FAM180B: variants seen among roughly 807,000 people sequenced by gnomAD.
FAM180B encodes the protein family with sequence similarity 180 member B.
FAM180B carries 14 observed loss-of-function variants against 13.6 expected under a neutral mutation model. The observed-to-expected ratio is 1.03, with a 90% CI of 0.68 to 1.60. The LOEUF (loss-of-function observed/expected upper bound fraction) is 1.60, where lower values mean the gene tolerates loss of function less well. FAM180B is among the 40% of genes most tolerant of loss of function. FAM180B has a pLI of 0.00. For synonymous variants in FAM180B, 109 were observed against 97.0 expected (o/e 1.12, Z -0.72); for missense variants, 212 against 230.4 (o/e 0.92, Z 0.52).
chr11:47,587,727 C>T, intron 1 of FAM180B, 24 bp from the exon 2 acceptor site: 1 of 1,484,346 alleles, frequency 6.7e-7, no homozygotes, highest in East Asian at 2.5e-5. Context: ...ATGGCAGGGG[C>T]CTGACTCCTC....
chr11:47,587,273 C>T (rs1598809248), intron 1 of FAM180B, among the ~76,000 whole-genome samples: 1 of 152,312 alleles, frequency 6.6e-6, no homozygotes. Context: ...CTCTGTCCTC[C>T]CTGCCCTGTC....
Position 47,588,323 on chromosome 11 carries a change from C to G in FAM180B, c.441C>G (p.Val147=), listed in dbSNP as rs1229508110. ...EAEERGRWAQ[V]FALLAQETLW... ...AGGAACGGGGCCGCTGGGCCCAGGT[C>G]TTCGCTCTCCTGGCACAGGAAACAC... Residue 147 remains valine (V), a synonymous_variant, in exon 3 of 3, where the codon GTC becomes GTG. Transcript: ENST00000538490. 6.5e-7 allele frequency: 1 copy of G among 1,537,150 alleles called. No individual in the cohort carries two copies. Among genetic ancestry groups the G allele is most frequent in the East Asian group, 2.4e-5 (1 of 40,908 alleles).
chr11:47,586,675 C>T, upstream of FAM180B: 2 of 896,780 alleles, frequency 2.2e-6, no homozygotes, highest in Non-Finnish European at 3.6e-6. Context: ...TCTGGAGCAG[C>T]CCGCAGTGGA....
At chr11:47,587,441 G>A (rs990534804) in intron 1 of FAM180B, among the ~76,000 whole-genome samples, 2 of 152,174 alleles carry the variant, frequency 1.3e-5, no homozygotes, top group Admixed American at 1.3e-4. Context: ...CTTGTGACCC[G>A]TTGGCCTGGA....
chr11:47,587,917 G>T, intron 2 of FAM180B, 96 bp downstream of exon 2: 1 of 1,407,812 alleles, frequency 7.1e-7, no homozygotes, highest in Non-Finnish European at 9.5e-7. Context: ...GACCTGCTAG[G>T]GTTGGGTGGG....
rs966951635 is a variant in FAM180B, at chr11:47,586,810, C to T, written c.42C>T (p.Ala14=). 3 of 1,537,140 alleles carry T rather than the reference C, an allele frequency of 2.0e-6. No individual in the cohort carries two copies. The highest frequency in any genetic ancestry group is 2.7e-5 in the African/African-American group (2 of 73,044). The change falls in exon 1 of 3, where the codon GCC becomes GCT. Residue 14 remains alanine (A), a synonymous_variant. Transcript: ENST00000538490. ...AGTTCCTGGTTTGCCTGGTGGTAGC[C>T]ATTTGTCTCCTCTCTGGTGTGACTA... The part of the protein sequence containing the change: ...TLQFLVCLVV[A]ICLLSGVTTT...
Position 47,588,075 on chromosome 11 carries a change from C to A in FAM180B, c.193C>A (p.Gln65Lys). 2 of 1,536,234 alleles carry A rather than the reference C, an allele frequency of 1.3e-6. No individual in the cohort carries two copies. Among genetic ancestry groups the A allele is most frequent in the Non-Finnish European group, 1.7e-6 (2 of 1,146,556 alleles). The change falls in exon 3 of 3, where the codon CAG (glutamine) becomes AAG (lysine). Residue 65 changes from glutamine to lysine, a missense_variant. Transcript: ENST00000538490. Reference protein sequence around the residue: ...WAGLELDVMGQLHIQDEELAS... With the variant: ...WAGLELDVMGKLHIQDEELAS... The stretch of plus-strand genomic sequence containing the variant: ...TGGGCTGGAGCTGGATGTCATGGGG[C>A]AGCTGCACATCCAGGATGAGGAACT...
Position 47,588,136 on chromosome 11 carries a change from T to A in FAM180B, c.254T>A (p.Leu85His). 1 of 1,537,200 alleles carries A rather than the reference T, an allele frequency of 6.5e-7. No homozygotes were observed. The highest frequency in any genetic ancestry group is 8.7e-7 in the Non-Finnish European group (1 of 1,146,894). ...STHPGRRLRL[L>H]LQHHVPSDLE... ...CACCCAGGCCGCCGACTCAGACTCC[T>A]CCTGCAGCACCACGTGCCCAGTGAC... is the stretch of plus-strand genomic sequence containing the variant. The change falls in exon 3 of 3, where the codon CTC (leucine) becomes CAC (histidine). Residue 85 changes from leucine (L) to histidine (H), a missense_variant. Physicochemically the swap from Leu to His is moderately conservative, Grantham distance 99 (BLOSUM62 -3). Transcript: ENST00000538490.
chr11:47,587,668 C>G (rs1447835928), intron 1 of FAM180B, 83 bp from the exon 2 acceptor site: 2 of 938,492 alleles, frequency 2.1e-6, no homozygotes, highest in African/African-American at 3.3e-5. Context: ...GGACCTCTAC[C>G]AGGCAGCAGA....
rs3029432 is a variant in FAM180B at position 47,588,756 on chromosome 11, G to GT, written c.*322_*323insT. 1.2e-4 allele frequency: 29 copies of GT among 236,408 alleles called. No homozygotes were observed. The highest frequency in any genetic ancestry group is 2.0e-4 in the Non-Finnish European group (25 of 125,116). 14.6% of individuals were successfully genotyped at this position (236,408 alleles called of 1,614,324 possible). On this transcript the variant is annotated 3_prime_UTR_variant, in exon 3 of 3. Coordinates refer to ENST00000538490, the MANE Select transcript of FAM180B (RefSeq NM_001164379.3). ...TGTGTGTGTGTGTGTGTGTGTGTGT[G>GT]GAGATCAGGGGTCAGGGTTGAGAAG...
At position 47,588,952 on chromosome 11, in the gene FAM180B, T is replaced by C. The variant is rs1443194070; in HGVS notation, c.*518T>C. 1.3e-5 allele frequency: 2 copies of C among 152,172 alleles called. No homozygotes were observed. The highest frequency in any genetic ancestry group is 2.9e-5 in the Non-Finnish European group (2 of 68,078). 9.4% of individuals were successfully genotyped at this position (152,172 alleles called of 1,614,324 possible). A position where few individuals can be genotyped will look rare whatever the true frequency, so the allele number is the denominator to read the frequency against. ...GATTTGGGGTCTCTGAGCCTCCAAG[T>C]TCCCATCTGGGTTGGGAGAATCGAC... is the stretch of plus-strand genomic sequence containing the variant. On this transcript the variant is annotated 3_prime_UTR_variant, in exon 3 of 3. Transcript: ENST00000538490.
At position 47,588,700 on chromosome 11, in the gene FAM180B, T is replaced by G; in HGVS notation, c.*266T>G. ...TGGGCACAGAGCTAAGGGCACGACTTGCAGGCAGTGTGTGTGTGAGTGTGT... is the reference window on the plus strand; with the variant it reads ...TGGGCACAGAGCTAAGGGCACGACTGGCAGGCAGTGTGTGTGTGAGTGTGT... On this transcript the variant is annotated 3_prime_UTR_variant, in exon 3 of 3. Transcript: ENST00000538490. 2 of 412,538 alleles carry G rather than the reference T, an allele frequency of 4.8e-6. No homozygotes were observed. The highest frequency in any genetic ancestry group is 4.4e-6 in the Non-Finnish European group (1 of 229,738). The allele number at this position is 412,538 out of a possible 1,614,324, so 25.6% of individuals were successfully genotyped here. A position where few individuals can be genotyped will look rare whatever the true frequency, so the allele number is the denominator to read the frequency against.
In FAM180B at chr11:47,588,295, C is replaced by T. The variant is rs2097272845; in HGVS notation, c.413C>T (p.Ala138Val). The T allele has an allele frequency of 1.3e-6, 2 of 1,537,054 alleles. No individual in the cohort carries two copies. Among genetic ancestry groups the T allele is most frequent in the African/African-American group, 2.7e-5 (2 of 73,026 alleles). The change falls in exon 3 of 3, where the codon GCT becomes GTT. Residue 138 changes from alanine (A) to valine (V), a missense_variant. Coordinates refer to ENST00000538490, the MANE Select transcript of FAM180B (RefSeq NM_001164379.3). ...TACCGGCTCCACGCAGCTAGTGAGGCTGAGGAACGGGGCCGCTGGGCCCAG... is the reference window on the plus strand; with the variant it reads ...TACCGGCTCCACGCAGCTAGTGAGGTTGAGGAACGGGGCCGCTGGGCCCAG... ...CVYRLHAASE[A>V]EERGRWAQVF...
Position 47,588,729 on chromosome 11 carries a change from T to A in FAM180B, c.*295T>A, listed in dbSNP as rs865995743. ...GGCAGTGTGTGTGTGAGTGTGTGTG[T>A]GTGTGTGTGTGTGTGTGTGTGTGTG... is the stretch of plus-strand genomic sequence containing the variant. On this transcript the variant is annotated 3_prime_UTR_variant, in exon 3 of 3. Transcript: ENST00000538490. 0.038 allele frequency: 10,097 copies of A among 263,630 alleles called. 768 individuals are homozygous for A. Among genetic ancestry groups the A allele is most frequent in the Admixed American group, 0.072 (1,409 of 19,536 alleles). The allele number at this position is 263,630 out of a possible 1,614,324, so 16.3% of individuals were successfully genotyped here. A position where few individuals can be genotyped will look rare whatever the true frequency, so the allele number is the denominator to read the frequency against.
intron 2 of FAM180B, 96 bp downstream of exon 2, chr11:47,587,917 G>A: frequency 7.1e-7 from 1 of 1,407,812 alleles, no homozygotes. Flanking sequence ...GACCTGCTAG[G>A]GTTGGGTGGG....
chr11:47,587,276 G>T (rs1244321970), intron 1 of FAM180B, among the ~76,000 whole-genome samples: 2 of 152,084 alleles, frequency 1.3e-5, no homozygotes, highest in Non-Finnish European at 2.9e-5. Flanking sequence ...TGTCCTCCCT[G>T]CCCTGTCTTC....
Position 47,588,200 on chromosome 11 carries a change from C to T in FAM180B, c.318C>T (p.Asp106=). ...GTEQWLQQLQ[D]LRKGPPLSTW... ...AGCAGTGGCTGCAGCAGCTCCAGGA[C>T]CTGCGGAAGGGGCCTCCTCTTAGCA... The change falls in exon 3 of 3, where the codon GAC becomes GAT. Residue 106 remains aspartate, a synonymous_variant. Transcript: ENST00000538490. 3.3e-6 allele frequency: 5 copies of T among 1,537,144 alleles called. No homozygotes were observed. The highest frequency in any genetic ancestry group is 2.6e-6 in the Non-Finnish European group (3 of 1,146,844).
intron 2 of FAM180B, 89 bp downstream of exon 2, chr11:47,587,910 C>T (rs2097272535): frequency 1.4e-6 from 2 of 1,412,676 alleles, no homozygotes; most frequent in Non-Finnish European, 1.9e-6. Flanking sequence ...CAGGGTGGAC[C>T]TGCTAGGGTT....
At chr11:47,587,885 G>T in intron 2 of FAM180B, 64 bp downstream of exon 2, 1 of 1,454,074 alleles carries the variant, frequency 6.9e-7, no homozygotes, top group South Asian at 1.3e-5. Context: ...CTCAGGGTTG[G>T]GAAGGGGGAT....
Sources: allele counts gnomAD v4.1 joint callset (sites outside exome capture counted in the v4.1 genomes callset), GRCh38; gene constraint gnomAD v4.1.1; transcripts MANE v1.5; gene names NCBI Gene and HGNC (gene_info 2026-07-23, HGNC 2026-07-21).